ABCA8: variants seen among roughly 807,000 people sequenced by gnomAD.
ABCA8 encodes the protein ABC-type organic anion transporter ABCA8.
A neutral mutation model predicts 192.3 loss-of-function variants in ABCA8; 177 were observed. The ratio of observed to expected loss-of-function variants is 0.92; its 90% confidence interval spans 0.81 to 1.04. ABCA8 has a LOEUF of 1.04. Among genes scored for constraint, ABCA8 ranks in the 50% least tolerant of loss-of-function variants. The pLI, the probability that ABCA8 is intolerant of heterozygous loss-of-function variation, is 0.00. For missense variants in ABCA8, 1,915 were observed against 1,904.8 expected (o/e 1.01, Z -0.10); for synonymous variants, 642 against 690.2 (o/e 0.93, Z 1.09).
At chr17:68,888,841 T>G (rs2066557918) in intron 24 of ABCA8, among the ~76,000 whole-genome samples, 1 of 152,106 alleles carries the variant, frequency 6.6e-6, no homozygotes. Context: ...TAGAGCTAGA[T>G]GGGTTTGCCT....
At position 68,880,645 on chromosome 17, in the gene ABCA8, G is replaced by A. The variant is rs192815976; in HGVS notation, c.4038+475C>T. ...CTGCAGTGGAAGCCGCTTGCAGTAT[G>A]CAAGCATGGAGGTGGCGCCTGTGCC... On this transcript the variant is annotated intron_variant, in intron 32 of 39. Transcript: ENST00000586539. The A allele has an allele frequency of 7.9e-5, 13 of 164,302 alleles. No homozygotes were observed. The East Asian group carries it at 2.3e-3, about 29-fold the overall frequency. 10.2% of individuals were successfully genotyped at this position (164,302 alleles called of 1,614,324 possible).
rs139337804 is a variant in ABCA8 at position 68,906,768 on chromosome 17, G to A, written c.2279-605C>T. Among the ~76,000 whole-genome samples the A allele has an allele frequency of 6.8e-3, 1,041 of 152,164 alleles. 14 individuals are homozygous for A. The highest frequency in any genetic ancestry group is 0.023 in the African/African-American group (975 of 41,498). On this transcript the variant is annotated intron_variant, in intron 18 of 39. Transcript: ENST00000586539. ...CCTGGAATTGTGACAGTGATTATTC[G>A]CTCTAGCAATTTTATATCTATTCAT...
intron 13 of ABCA8, chr17:68,919,737 G>T: frequency 4.0e-6 from 1 of 252,284 alleles, no homozygotes; most frequent in Admixed American, 4.9e-5. Flanking sequence ...GATACAAGCA[G>T]AGTCTGATGA....
chr17:68,874,104 CT>C (rs1215456238), intron 37 of ABCA8, among the ~76,000 whole-genome samples: 1 of 152,156 alleles, frequency 6.6e-6, no homozygotes, highest in African/African-American at 2.4e-5. Context: ...TTGTTGGCCC[CT>C]TGGATGGAAG....
chr17:68,932,988 G>A (rs2067949508), intron 6 of ABCA8, among the ~76,000 whole-genome samples, 180 bp downstream of exon 6: 1 of 152,144 alleles, frequency 6.6e-6, no homozygotes, highest in African/African-American at 2.4e-5. Context: ...CCATGAATGA[G>A]ATACTTTTTC....
chr17:68,927,022 G>A (rs949887401), intron 10 of ABCA8, among the ~76,000 whole-genome samples: 4 of 152,150 alleles, frequency 2.6e-5, no homozygotes, highest in African/African-American at 7.2e-5. Context: ...TTGGGAGGCC[G>A]AGGCGGGTGG....
intron 11 of ABCA8, 75 bp downstream of exon 11, chr17:68,924,626 G>A (rs1212347810): frequency 6.7e-7 from 1 of 1,501,590 alleles, no homozygotes; most frequent in East Asian, 2.3e-5. Context: ...GCACAAAAGG[G>A]AACACTGCTT....
chr17:68,906,909 A>T (rs1489210791), intron 18 of ABCA8, among the ~76,000 whole-genome samples: 1 of 152,162 alleles, frequency 6.6e-6, no homozygotes, highest in Non-Finnish European at 1.5e-5. Context: ...CTTAAATAAA[A>T]ACCTAATTCT....
rs1177610587 is a variant in ABCA8, at chr17:68,944,316, TTATATATATATATATA to T, written c.-5-2293_-5-2278del. ...AGCACATGTAGCCCAGAACTTAAAG[TTATATATATATATATA>T]TATATATATATATATATATATATAT... On this transcript the variant is annotated intron_variant, in intron 2 of 39. Transcript: ENST00000586539. Among the ~76,000 whole-genome samples, 65 of 29,290 alleles carry T rather than the reference TTATATATATATATATA, an allele frequency of 2.2e-3. 1 individual carries two copies. The highest frequency in any genetic ancestry group is 2.6e-3 in the South Asian group (2 of 778). 19.2% of individuals were successfully genotyped at this position (29,290 alleles called of 152,430 possible).
intron 21 of ABCA8, among the ~76,000 whole-genome samples, chr17:68,895,851 G>A (rs1398816270): frequency 6.6e-6 from 1 of 152,110 alleles, no homozygotes; most frequent in East Asian, 1.9e-4. Context: ...TCCTAAGGTG[G>A]AAGCTCTACC....
Position 68,895,012 on chromosome 17 carries a change from C to G in ABCA8, c.2766G>C (p.Gly922=), listed in dbSNP as rs137989686. Residue 922 remains glycine, a splice_region_variant and synonymous_variant, in exon 22 of 40, where the codon GGG becomes GGC. Coordinates refer to ENST00000586539, the MANE Select transcript of ABCA8 (RefSeq NM_001288985.2). ...ACTGTATAAAGTCATCAATGCTTGC[C>G]CCTAAGGTGTAGTTAAAGATATTAG... ...LTQLLIINKT[G]ASIDDFIQSV... 3.0e-5 allele frequency: 48 copies of G among 1,596,484 alleles called. No individual in the cohort carries two copies. Among genetic ancestry groups the G allele is most frequent in the Non-Finnish European group, 3.8e-5 (45 of 1,173,714 alleles).
chr17:68,868,424 G>T (rs766293627), intron 38 of ABCA8, 68 bp from the exon 39 acceptor site: 11 of 1,320,786 alleles, frequency 8.3e-6, no homozygotes, highest in South Asian at 1.3e-5. Context: ...TCAGCATATA[G>T]TACAAATGAT....
At position 68,895,091 on chromosome 17, in the gene ABCA8, A is replaced by T. The variant is rs1009784670; in HGVS notation, c.2765-78T>A. 3.9e-6 allele frequency: 5 copies of T among 1,285,514 alleles called. No homozygotes were observed. In the African/African-American group the frequency reaches 7.4e-5, roughly 19 times the overall value. 79.6% of individuals were successfully genotyped at this position (1,285,514 alleles called of 1,614,324 possible). ...AAGTTGTGTAGTCAAATTACAGTTA[A>T]TGTCATTATGTGAAGCAGTAATATG... is the stretch of plus-strand genomic sequence containing the variant. On this transcript the variant is annotated intron_variant, in intron 21 of 39. Transcript: ENST00000586539.
rs149364629 is a variant in ABCA8, at chr17:68,944,814, A to C, written c.-5-2775T>G. On this transcript the variant is annotated intron_variant, in intron 2 of 39. Coordinates refer to ENST00000586539, the MANE Select transcript of ABCA8 (RefSeq NM_001288985.2). ...ATAATTTGCAGCTGAGATTTGCAACAAGGACCCAGCACGGATACAAAGCAG... is the reference window on the plus strand; with the variant it reads ...ATAATTTGCAGCTGAGATTTGCAACCAGGACCCAGCACGGATACAAAGCAG... The C allele has an allele frequency of 3.0e-3, 461 of 152,306 alleles. 4 individuals carry two copies. Among genetic ancestry groups the C allele is most frequent in the Non-Finnish European group, 4.9e-3 (334 of 68,084 alleles). The allele number at this position is 152,306 out of a possible 1,614,324, so 9.4% of individuals were successfully genotyped here.
intron 24 of ABCA8, among the ~76,000 whole-genome samples, chr17:68,889,744 A>AGATTT (rs1456691222): frequency 3.3e-5 from 5 of 152,148 alleles, no homozygotes; most frequent in African/African-American, 1.2e-4. Flanking sequence ...GCCTTCTGTC[A>AGATTT]CTATAGATTA....
intron 2 of ABCA8, among the ~76,000 whole-genome samples, chr17:68,946,387 CT>C (rs1366332333): frequency 6.6e-6 from 1 of 151,672 alleles, no homozygotes; most frequent in Non-Finnish European, 1.5e-5. Context: ...AAATTTATTA[CT>C]TTTTCTTTCT....
At chr17:68,909,844 T>C (rs1484854475) in intron 17 of ABCA8, among the ~76,000 whole-genome samples, 2 of 152,336 alleles carry the variant, frequency 1.3e-5, no homozygotes, top group Non-Finnish European at 1.5e-5. Flanking sequence ...ATAGGTTTGT[T>C]TTCTTTCTTA....
rs753931039 is a variant in ABCA8, at chr17:68,918,122, G to A, written c.1972C>T (p.Leu658Phe). Residue 658 changes from leucine to phenylalanine, a missense_variant, in exon 16 of 40, where the codon CTT becomes TTT. Leu to Phe is a conservative substitution (Grantham distance 22). Transcript: ENST00000586539. ...DPFSRHQVWN[L>F]LKERKTDRVI... Reference sequence around the variant, plus strand: ...CGGTCTGTTTTGCGTTCTTTCAGAAGGTTCCATACTTGGTGTCTTGAAAAG... The same window carrying A: ...CGGTCTGTTTTGCGTTCTTTCAGAAAGTTCCATACTTGGTGTCTTGAAAAG... 6.2e-7 allele frequency: 1 copy of A among 1,614,066 alleles called. No homozygotes were observed. The highest frequency in any genetic ancestry group is 1.3e-5 in the African/African-American group (1 of 74,926).
chr17:68,876,304 C>CTTTCCCTGATGATA, intron 35 of ABCA8, 156 bp downstream of exon 35: 1 of 712,370 alleles, frequency 1.4e-6, no homozygotes, highest in Non-Finnish European at 2.2e-6. Flanking sequence ...AGGGAAAGAT[C>CTTTCCCTGATGATA]TTTTTTTTTT....
Sources: allele counts gnomAD v4.1 joint callset (sites outside exome capture counted in the v4.1 genomes callset), GRCh38; gene constraint gnomAD v4.1.1; transcripts MANE v1.5; gene names NCBI Gene and HGNC (gene_info 2026-07-23, HGNC 2026-07-21).